Variants in FAP observed in about 807,000 individuals in gnomAD.
The protein encoded by FAP is prolyl endopeptidase FAP.
Under a neutral mutation model 126.5 loss-of-function variants are expected in FAP, and 110 were observed. The observed-to-expected ratio is 0.87, with a 90% CI of 0.74 to 1.02. The LOEUF (loss-of-function observed/expected upper bound fraction) is 1.02, where lower values mean the gene tolerates loss of function less well. FAP is among the 50% of genes least tolerant of loss of function. The pLI is 0.00. For missense variants in FAP, 919 were observed against 909.2 expected, an observed-to-expected ratio of 1.01 and a Z score of -0.14; for synonymous variants, 334 against 297.3, an observed-to-expected ratio of 1.12 and a Z score of -1.27.
intron 20 of FAP, among the ~76,000 whole-genome samples, chr2:162,186,153 A>T (rs1455218357): frequency 1.3e-5 from 2 of 152,150 alleles, no homozygotes; most frequent in African/African-American, 4.8e-5. Flanking sequence ...TGAAAACAGA[A>T]ATTGCAAATT....
intron 19 of FAP, among the ~76,000 whole-genome samples, 171 bp from the exon 20 acceptor site, chr2:162,188,534 C>T (rs1226860134): frequency 2.0e-5 from 3 of 151,900 alleles, no homozygotes; most frequent in African/African-American, 7.2e-5. Context: ...CAGAGGTTTG[C>T]TACAAGGAAG....
chr2:162,176,960 G>T (rs750512300), intron 21 of FAP, among the ~76,000 whole-genome samples: 1 of 152,096 alleles, frequency 6.6e-6, no homozygotes, highest in Non-Finnish European at 1.5e-5. Flanking sequence ...GAGCAAAAGC[G>T]ACTGTATCAG....
At chr2:162,241,819 A>G (rs1690362182) in intron 2 of FAP, among the ~76,000 whole-genome samples, 1 of 152,188 alleles carries the variant, frequency 6.6e-6, no homozygotes, top group African/African-American at 2.4e-5. Context: ...AGCAGAAACA[A>G]AGACTGAAAT....
chr2:162,182,445 T>C (rs1220631398), intron 21 of FAP, among the ~76,000 whole-genome samples: 1 of 152,234 alleles, frequency 6.6e-6, no homozygotes, highest in Admixed American at 6.5e-5. Flanking sequence ...TCTGTTTAGA[T>C]ATTTAACATT....
chr2:162,174,228 A>G (rs1687407238), intron 22 of FAP, among the ~76,000 whole-genome samples: 1 of 152,168 alleles, frequency 6.6e-6, no homozygotes, highest in Admixed American at 6.6e-5. Context: ...ACACACGTAC[A>G]TAGATGCACA....
chr2:162,217,775 T>C (rs1689209967), intron 9 of FAP, among the ~76,000 whole-genome samples: 1 of 152,168 alleles, frequency 6.6e-6, no homozygotes, highest in South Asian at 2.1e-4. Flanking sequence ...GATTCTGCAA[T>C]AGATTTTGCA....
chr2:162,223,623 TAGATG>T lies in FAP; in HGVS notation c.393_397del (p.Tyr131Ter). 1 of 1,606,978 alleles carries T rather than the reference TAGATG, an allele frequency of 6.2e-7. No individual in the cohort carries two copies. The highest frequency in any genetic ancestry group is 8.5e-7 in the Non-Finnish European group (1 of 1,173,794). On this transcript the variant is annotated stop_gained and frameshift_variant, in exon 6 of 26. Transcript: ENST00000188790. LOFTEE classifies it high-confidence loss of function. The stretch of plus-strand genomic sequence containing the variant: ...GGTGATTTACCCATTGCTAAGGTCA[TAGATG>T]TAATATGTTGCTGTGTAAGAGTATC...
chr2:162,175,164 T>C (rs1687441219), intron 21 of FAP, 198 bp from the exon 22 acceptor site: 1 of 484,618 alleles, frequency 2.1e-6, no homozygotes, highest in Admixed American at 3.5e-5. Flanking sequence ...CTTCCCTAAT[T>C]CATTAGAAAT....
At chr2:162,242,403 T>A (rs188572123) in intron 2 of FAP, among the ~76,000 whole-genome samples, 2 of 152,292 alleles carry the variant, frequency 1.3e-5, no homozygotes, top group East Asian at 1.9e-4. Context: ...TGCTACTACA[T>A]CTAAAACAAC....
At chr2:162,223,717 A>C in intron 5 of FAP, 57 bp from the exon 6 acceptor site, 2 of 1,070,560 alleles carry the variant, frequency 1.9e-6, no homozygotes, top group Non-Finnish European at 2.9e-6. Context: ...GCTTATATCA[A>C]TAATGTATAA....
At position 162,218,021 on chromosome 2, in the gene FAP, G is replaced by T. The variant is rs1559785578; in HGVS notation, c.727C>A (p.Gln243Lys). ...VIAYSYYGDE[Q>K]YPRTINIPYP... is the part of the protein sequence containing the mutation. ...GGAATATTTATTGTTCTAGGATATT[G>T]TTCATCGCCATAATAGGAATAGGCA... Residue 243 changes from glutamine to lysine, a missense_variant, in exon 9 of 26, where the codon CAA becomes AAA. By Grantham distance (53) the Gln-to-Lys change is moderately conservative. Transcript: ENST00000188790. 1 of 1,600,764 alleles carries T rather than the reference G, an allele frequency of 6.2e-7. No homozygotes were observed. Among genetic ancestry groups the T allele is most frequent in the Non-Finnish European group, 8.5e-7 (1 of 1,173,620 alleles).
chr2:162,172,011 T>G (rs1687321405), intron 25 of FAP: 1 of 152,076 alleles, frequency 6.6e-6, no homozygotes, highest in Non-Finnish European at 1.5e-5. Context: ...CTAGAACTTA[T>G]TTTTTTCTGT....
At position 162,218,143 on chromosome 2, in the gene FAP, GA is replaced by G; in HGVS notation, c.608-4del. 6.3e-7 allele frequency: 1 copy of G among 1,589,950 alleles called. No individual in the cohort carries two copies. Among genetic ancestry groups the G allele is most frequent in the Non-Finnish European group, 8.6e-7 (1 of 1,167,900 alleles). On this transcript the variant is annotated splice_region_variant and splice_polypyrimidine_tract_variant and intron_variant, in intron 8 of 25. Coordinates refer to ENST00000188790, the MANE Select transcript of FAP (RefSeq NM_004460.5). ...ATATTTTGTAGCAAGCATTTCCTCTGAAAAATAAGTACTAGGATATTAACTA... is the reference window on the plus strand; with the variant it reads ...ATATTTTGTAGCAAGCATTTCCTCTGAAAATAAGTACTAGGATATTAACTA...
Position 162,171,056 on chromosome 2 carries a change from A to G in FAP, c.2206T>C (p.Leu736=), listed in dbSNP as rs1200063211. The G allele has an allele frequency of 6.2e-7, 1 of 1,613,180 alleles. No individual in the cohort carries two copies. Among genetic ancestry groups the G allele is most frequent in the Non-Finnish European group, 8.5e-7 (1 of 1,179,302 alleles). Residue 736 remains leucine (L), a synonymous_variant, in exon 26 of 26, where the codon TTA becomes CTA. Coordinates refer to ENST00000188790, the MANE Select transcript of FAP (RefSeq NM_004460.5). ...AAGTGGTTCGTGGACAGGCCGGATAAGCCGTGGTTCTGGTCAGAGTACCAC... is the reference window on the plus strand; with the variant it reads ...AAGTGGTTCGTGGACAGGCCGGATAGGCCGTGGTTCTGGTCAGAGTACCAC... ...AMWYSDQNHG[L]SGLSTNHLYT...
intron 17 of FAP, chr2:162,193,767 G>C (rs1688137629): frequency 6.6e-6 from 1 of 151,948 alleles, no homozygotes; most frequent in Non-Finnish European, 1.5e-5. Context: ...AATTGATTCT[G>C]TTTTTGTTTT....
chr2:162,224,542 T>C lies in FAP; in HGVS notation c.286-2A>G. ...GTAATTTGAAGCATTCACACTTTTC[T>C]GAAATTATGAAGAGGTTGATTAGAA... is the stretch of plus-strand genomic sequence containing the variant. On this transcript the variant is annotated splice_acceptor_variant, in intron 4 of 25. Coordinates refer to ENST00000188790, the MANE Select transcript of FAP (RefSeq NM_004460.5). LOFTEE classifies it high-confidence loss of function. 1 of 1,576,602 alleles carries C rather than the reference T, an allele frequency of 6.3e-7. No homozygotes were observed. The highest frequency in any genetic ancestry group is 8.6e-7 in the Non-Finnish European group (1 of 1,158,916).
chr2:162,173,362 A>T (rs1687381250), intron 23 of FAP, 141 bp from the exon 24 acceptor site: 1 of 668,058 alleles, frequency 1.5e-6, no homozygotes, highest in Non-Finnish European at 2.7e-6. Flanking sequence ...TCAGAGCAAC[A>T]CATTTTCATC....
At chr2:162,234,502 C>T (rs949855756) in intron 2 of FAP, among the ~76,000 whole-genome samples, 1 of 152,110 alleles carries the variant, frequency 6.6e-6, no homozygotes, top group Non-Finnish European at 1.5e-5. Context: ...TTTCTACAAA[C>T]AAGATTGTGT....
Position 162,219,105 on chromosome 2 carries a change from C to A in FAP, c.565G>T (p.Glu189Ter). 1 of 1,605,818 alleles carries A rather than the reference C, an allele frequency of 6.2e-7. No individual in the cohort carries two copies. The highest frequency in any genetic ancestry group is 2.2e-5 in the East Asian group (1 of 44,588). Residue 189 changes from glutamate to a stop codon, truncating the protein, a stop_gained, in exon 8 of 26, where the codon GAA (glutamate) becomes TAA (stop). Coordinates refer to ENST00000188790, the MANE Select transcript of FAP (RefSeq NM_004460.5). LOFTEE classifies it high-confidence loss of function. ...GGGATTCCATTAAATATTTTATTTT[C>A]TCTTCCATTAAATGTTATTTGAAAA... Reference protein sequence around the residue: ...PPFQITFNGRENKIFNGIPDW... With the variant: ...PPFQITFNGR
Sources: gnomAD v4.1 joint callset for allele counts (sites outside exome capture counted in the v4.1 genomes callset) on GRCh38, gnomAD v4.1.1 for gene constraint, MANE v1.5 for transcripts, NCBI Gene and HGNC (gene_info 2026-07-23, HGNC 2026-07-21) for gene names.